Variants in RTEL1 observed in about 807,000 individuals in gnomAD.
The protein encoded by RTEL1 is regulator of telomere length.
In RTEL1, 86 loss-of-function variants were observed where a neutral mutation model predicts 162.2. That is an observed-to-expected ratio of 0.53 (90% CI 0.45 to 0.63). The LOEUF (loss-of-function observed/expected upper bound fraction) is 0.63, where lower values mean the gene tolerates loss of function less well. Ranked by LOEUF, RTEL1 falls within the 30% of genes least tolerant of loss-of-function variation. The pLI, the probability that RTEL1 is intolerant of heterozygous loss-of-function variation, is 0.00. For missense variants in RTEL1, 1,941 were observed against 1,750.2 expected (o/e 1.11, Z -1.95); for synonymous variants, 958 against 717.9 (o/e 1.33, Z -5.35).
chr20:63,667,583 C>G (rs1441188120), intron 8 of RTEL1, 30 bp downstream of exon 8: 1 of 1,562,058 alleles, frequency 6.4e-7, no homozygotes, highest in Non-Finnish European at 8.8e-7. Context: ...GCTGACGACT[C>G]CTGATGTCCA....
rs545107189 is a variant in RTEL1, at chr20:63,691,596, C to G, written c.2557-146C>G. On this transcript the variant is annotated intron_variant, in intron 27 of 34. Transcript: ENST00000360203. ...GGACAGGACCAAGTTGTGGCACTGTCACCGGGGTGTGCTGTGCCCCCCTCC... is the reference window on the plus strand; with the variant it reads ...GGACAGGACCAAGTTGTGGCACTGTGACCGGGGTGTGCTGTGCCCCCCTCC... The G allele has an allele frequency of 5.5e-5, 36 of 657,732 alleles. No individual in the cohort carries two copies. The African/African-American group carries it at 6.3e-4, about 12-fold the overall frequency. The allele number at this position is 657,732 out of a possible 1,614,324, so 40.7% of individuals were successfully genotyped here. A position where few individuals can be genotyped will look rare whatever the true frequency, so the allele number is the denominator to read the frequency against.
chr20:63,695,624 C>G lies in RTEL1; in HGVS notation c.3796C>G (p.Gln1266Glu). 6.2e-7 allele frequency: 1 copy of G among 1,611,708 alleles called. No homozygotes were observed. The highest frequency in any genetic ancestry group is 1.7e-5 in the Admixed American group (1 of 60,016). Residue 1266 changes from glutamine (Q) to glutamate (E), a missense_variant, in exon 34 of 35, where the codon CAA becomes GAA. Coordinates refer to ENST00000360203, the MANE Select transcript of RTEL1 (RefSeq NM_001283009.2). The part of the protein sequence containing the change: ...QCPACDFQRC[Q>E]ACWQRHLQAS... ...CCCTGCCTGTGACTTCCAGCGCTGC[C>G]AAGCCTGCTGGCAACGGCACCTTCA...
Position 63,680,037 on chromosome 20 carries a change from G to A in RTEL1, c.1135+91G>A, listed in dbSNP as rs374697215. The A allele has an allele frequency of 2.7e-5, 23 of 862,248 alleles. No homozygotes were observed. The Admixed American group carries it at 3.2e-4, about 12-fold the overall frequency. 53.4% of individuals were successfully genotyped at this position (862,248 alleles called of 1,614,324 possible). On this transcript the variant is annotated intron_variant, in intron 13 of 34. Coordinates refer to ENST00000360203, the MANE Select transcript of RTEL1 (RefSeq NM_001283009.2). ...CTTGGCAGTCAGGGCTCCCCTGGCCGTCACCTGGCCGTCAGCAGGAACAGG... is the reference window on the plus strand; with the variant it reads ...CTTGGCAGTCAGGGCTCCCCTGGCCATCACCTGGCCGTCAGCAGGAACAGG...
Position 63,690,900 on chromosome 20 carries a change from G to A in RTEL1, c.2509G>A (p.Ala837Thr), listed in dbSNP as rs753435220. 17 of 1,581,082 alleles carry A rather than the reference G, an allele frequency of 1.1e-5. No individual in the cohort carries two copies. Among genetic ancestry groups the A allele is most frequent in the African/African-American group, 9.4e-5 (7 of 74,416 alleles). The change falls in exon 27 of 35, where the codon GCC becomes ACC. Residue 837 changes from alanine to threonine, a missense_variant. Ala to Thr is a moderately conservative substitution (Grantham distance 58, BLOSUM62 0). Coordinates refer to ENST00000360203, the MANE Select transcript of RTEL1 (RefSeq NM_001283009.2). ...ARQRPRGLLAALEHSEQRAGS... is the reference protein window; with the variant it reads ...ARQRPRGLLATLEHSEQRAGS... ...GCAGAGGCCCAGGGGGCTGCTGGCC[G>A]CCCTGGAGCACAGCGAACAGCGGGC...
chr20:63,672,245 TC>T (rs899706839), intron 8 of RTEL1, among the ~76,000 whole-genome samples: 3 of 152,210 alleles, frequency 2.0e-5, no homozygotes, highest in Non-Finnish European at 4.4e-5. Flanking sequence ...GTCTGGGTCT[TC>T]CTGGCTCCTC....
At chr20:63,683,485 A>T (rs997613740) in intron 14 of RTEL1, among the ~76,000 whole-genome samples, 4 of 152,256 alleles carry the variant, frequency 2.6e-5, no homozygotes, top group Non-Finnish European at 5.9e-5. Context: ...GTGCGTACCC[A>T]GGCACGTGCA....
At chr20:63,685,145 C>T (rs2090563411) in intron 14 of RTEL1, among the ~76,000 whole-genome samples, 1 of 151,816 alleles carries the variant, frequency 6.6e-6, no homozygotes, top group Admixed American at 6.6e-5. Flanking sequence ...CTCTCAGCCT[C>T]CCGGAGTGCT....
At chr20:63,687,259 C>T (rs761199163) in intron 16 of RTEL1, 55 of 211,540 alleles carry the variant, frequency 2.6e-4, no homozygotes, top group Admixed American at 1.1e-3. Context: ...TGCACGCGGC[C>T]GTGGAATGTC....
intron 14 of RTEL1, chr20:63,681,222 C>T (rs1169715203): frequency 8.1e-6 from 8 of 985,330 alleles, no homozygotes; most frequent in Admixed American, 6.2e-5. Context: ...CCTGCAATGC[C>T]CGTCCCATGT....
chr20:63,662,928 G>C (rs773602696), intron 6 of RTEL1, 39 bp downstream of exon 6: 1 of 1,586,510 alleles, frequency 6.3e-7, no homozygotes, highest in South Asian at 1.1e-5. Context: ...GGGTTGGAGT[G>C]TGTGCAGCCT....
intron 14 of RTEL1, among the ~76,000 whole-genome samples, chr20:63,684,544 G>A (rs1050183361): frequency 6.6e-6 from 1 of 151,976 alleles, no homozygotes; most frequent in African/African-American, 2.4e-5. Flanking sequence ...TAGTAGAGAC[G>A]AGGTTTCACC....
At chr20:63,691,249 T>A (rs1568714218) in intron 27 of RTEL1, among the ~76,000 whole-genome samples, 1 of 152,202 alleles carries the variant, frequency 6.6e-6, no homozygotes, top group Non-Finnish European at 1.5e-5. Context: ...CGGGTGCCCC[T>A]GCCACTGGCT....
chr20:63,688,967 C>A, intron 21 of RTEL1, 88 bp from the exon 22 acceptor site: 1 of 1,184,176 alleles, frequency 8.4e-7, no homozygotes, highest in Non-Finnish European at 1.2e-6. Context: ...GATCCTTCAT[C>A]TTGGAGCATG....
In RTEL1 at chr20:63,690,926, G is replaced by C. The variant is rs751482700; in HGVS notation, c.2535G>C (p.Ala845=). 3 of 1,555,458 alleles carry C rather than the reference G, an allele frequency of 1.9e-6. No individual in the cohort carries two copies. Among genetic ancestry groups the C allele is most frequent in the Admixed American group, 1.9e-5 (1 of 51,626 alleles). The change falls in exon 27 of 35, where the codon GCG becomes GCC. Residue 845 remains alanine (A), a synonymous_variant. Coordinates refer to ENST00000360203, the MANE Select transcript of RTEL1 (RefSeq NM_001283009.2). Reference sequence around the variant, plus strand: ...CCCTGGAGCACAGCGAACAGCGGGCGGGGAGCCCTGGCGAGGAGCAGGTAC... The same window carrying C: ...CCCTGGAGCACAGCGAACAGCGGGCCGGGAGCCCTGGCGAGGAGCAGGTAC... ...LAALEHSEQR[A]GSPGEEQAHS... is the part of the protein sequence containing the mutation.
intron 10 of RTEL1, 53 bp from the exon 11 acceptor site, chr20:63,678,092 G>A (rs2049243175): frequency 1.4e-5 from 22 of 1,609,006 alleles, no homozygotes; most frequent in South Asian, 2.2e-5. Context: ...CAAGGGCGGG[G>A]TTGTTGGCAC....
Position 63,692,311 on chromosome 20 carries a change from C to T in RTEL1, c.2652+474C>T, listed in dbSNP as rs574560991. On this transcript the variant is annotated intron_variant, in intron 28 of 34. Coordinates refer to ENST00000360203, the MANE Select transcript of RTEL1 (RefSeq NM_001283009.2). ...GCTGGTGCCATCAGGAAGTGGGTGG[C>T]TGCTGAGGGGCCTGGGCTGGCGAGG... 6.7e-5 allele frequency: 15 copies of T among 225,132 alleles called. No individual in the cohort carries two copies. The Admixed American group carries it at 7.8e-4, about 12-fold the overall frequency. The allele number at this position is 225,132 out of a possible 1,614,324, so 13.9% of individuals were successfully genotyped here.
Position 63,659,341 on chromosome 20 carries a change from CGCACAGACCCGAATA to C in RTEL1, c.-59_-45del. ...CCTAAGATGTTCGGAGTGGTTTTTT[CGCACAGACCCGAATA>C]GCCTGCCCCTCAGCCACGCTCTGTG... On this transcript the variant is annotated 5_prime_UTR_variant, in exon 2 of 35. It removes the in-frame stop codon of an upstream open reading frame in the 5' UTR. Coordinates refer to ENST00000360203, the MANE Select transcript of RTEL1 (RefSeq NM_001283009.2). 1.6e-6 allele frequency: 2 copies of C among 1,264,876 alleles called. No homozygotes were observed. Among genetic ancestry groups the C allele is most frequent in the Non-Finnish European group, 2.3e-6 (2 of 865,506 alleles). 78.4% of individuals were successfully genotyped at this position (1,264,876 alleles called of 1,614,324 possible). A position where few individuals can be genotyped will look rare whatever the true frequency, so the allele number is the denominator to read the frequency against.
intron 9 of RTEL1, among the ~76,000 whole-genome samples, chr20:63,673,510 C>T (rs2090286723): frequency 6.6e-6 from 1 of 152,138 alleles, no homozygotes; most frequent in Non-Finnish European, 1.5e-5. Context: ...ATGATCTTGG[C>T]CCACTGCAAC....
At position 63,658,427 on chromosome 20, in the gene RTEL1, A is replaced by T. The variant is rs1216063554; in HGVS notation, c.-210A>T. On this transcript the variant is annotated 5_prime_UTR_variant, in exon 1 of 35. Transcript: ENST00000360203. ...CTGGAGTCGGTTGAGTTCCTGAGGG[A>T]CCCCGGTTCTGGAAGGTTCGCCGCG... 6.6e-6 allele frequency: 1 copy of T among 152,290 alleles called. No individual in the cohort carries two copies. Among genetic ancestry groups the T allele is most frequent in the East Asian group, 1.9e-4 (1 of 5,304 alleles). The allele number at this position is 152,290 out of a possible 1,614,324, so 9.4% of individuals were successfully genotyped here. A position where few individuals can be genotyped will look rare whatever the true frequency, so the allele number is the denominator to read the frequency against.
Sources: gnomAD v4.1 joint callset for allele counts (sites outside exome capture counted in the v4.1 genomes callset) on GRCh38, gnomAD v4.1.1 for gene constraint, MANE v1.5 for transcripts, NCBI Gene and HGNC (gene_info 2026-07-23, HGNC 2026-07-21) for gene names.